RCOR2: variants seen among roughly 807,000 people sequenced by gnomAD.
RCOR2 encodes the protein REST corepressor 2.
RCOR2 carries 19 observed loss-of-function variants against 58.9 expected under a neutral mutation model. That is an observed-to-expected ratio of 0.32 (90% CI 0.23 to 0.47). The LOEUF (loss-of-function observed/expected upper bound fraction) is 0.47. Ranked by LOEUF, RCOR2 falls within the 20% of genes least tolerant of loss-of-function variation. The probability of loss-of-function intolerance (pLI) is 1.00; values close to 1 mark genes in which losing one functional copy is unlikely to be tolerated. For missense variants in RCOR2, 590 were observed against 707.9 expected, an observed-to-expected ratio of 0.83 and a Z score of 1.89; for synonymous variants, 286 against 278.7, an observed-to-expected ratio of 1.03 and a Z score of -0.26.
chr11:63,919,370 G>C (rs1444475255), upstream of RCOR2, among the ~76,000 whole-genome samples: 1 of 151,058 alleles, frequency 6.6e-6, no homozygotes. Flanking sequence ...GGCCCCGGCC[G>C]GCCTGGCCAT....
In RCOR2 at chr11:63,912,874, G is replaced by A. The variant is rs747254445; in HGVS notation, c.965C>T (p.Pro322Leu). Reference sequence around the variant, plus strand: ...TAACTTAAAGAGCAGCCATACCTCCGGGGGGCGTAGTGGATCAATACCGCC... The same window carrying A: ...TAACTTAAAGAGCAGCCATACCTCCAGGGGGCGTAGTGGATCAATACCGCC... Reference protein sequence around the residue: ...LEGGIDPLRPPEANTKFNSRW... With the variant: ...LEGGIDPLRPLEANTKFNSRW... The change falls in exon 9 of 12, where the codon CCG becomes CTG. Residue 322 changes from proline to leucine, a missense_variant. Coordinates refer to ENST00000301459, the MANE Select transcript of RCOR2 (RefSeq NM_173587.4). 42 of 1,613,194 alleles carry A rather than the reference G, an allele frequency of 2.6e-5. No homozygotes were observed. Among genetic ancestry groups the A allele is most frequent in the Non-Finnish European group, 3.4e-5 (40 of 1,179,580 alleles).
At position 63,911,728 on chromosome 11, in the gene RCOR2, C is replaced by G; in HGVS notation, c.*137G>C. On this transcript the variant is annotated 3_prime_UTR_variant, in exon 12 of 12. Transcript: ENST00000301459. Reference sequence around the variant, plus strand: ...CACATGCAGAACCCAAAGGGCGGGGCTGGGCTGTCCGAAACTCTGGTCTTA... The same window carrying G: ...CACATGCAGAACCCAAAGGGCGGGGGTGGGCTGTCCGAAACTCTGGTCTTA... 10 of 1,331,652 alleles carry G rather than the reference C, an allele frequency of 7.5e-6. No homozygotes were observed. The highest frequency in any genetic ancestry group is 9.7e-6 in the Non-Finnish European group (10 of 1,034,410). The allele number at this position is 1,331,652 out of a possible 1,614,324, so 82.5% of individuals were successfully genotyped here.
rs1417115265 is a variant in RCOR2 at position 63,914,013 on chromosome 11, C to T, written c.832G>A (p.Asp278Asn). Residue 278 changes from aspartate to asparagine, a missense_variant, in exon 8 of 12, where the codon GAC (aspartate) becomes AAC (asparagine). Around this residue, in one of 3 missense-constraint regions of RCOR2, gnomAD observed 390 missense variants for 478.7 expected, o/e 0.81. Transcript: ENST00000301459. ...EGLTAVSGSP[D>N]LANLTLRGLD... Reference sequence around the variant, plus strand: ...CCTCGGAGCGTGAGGTTGGCAAGGTCCGGGCTTCCTGACACTGCCGTGAGG... The same window carrying T: ...CCTCGGAGCGTGAGGTTGGCAAGGTTCGGGCTTCCTGACACTGCCGTGAGG... The T allele has an allele frequency of 1.9e-6, 3 of 1,613,708 alleles. No individual in the cohort carries two copies. The highest frequency in any genetic ancestry group is 1.7e-4 in the Middle Eastern group (1 of 6,028).
chr11:63,912,963 A>G lies in RCOR2; in HGVS notation c.892-16T>C. 6.2e-7 allele frequency: 1 copy of G among 1,609,306 alleles called. No individual in the cohort carries two copies. Among genetic ancestry groups the G allele is most frequent in the Non-Finnish European group, 8.5e-7 (1 of 1,177,590 alleles). ...TGCTCTGTACCTGGGAAGGCCAGGA[A>G]GTGGAGGAATATCAGACTCCCATCT... On this transcript the variant is annotated splice_polypyrimidine_tract_variant and intron_variant, in intron 8 of 11. Transcript: ENST00000301459.
At chr11:63,913,805 G>T in intron 8 of RCOR2, 149 bp downstream of exon 8, 1 of 781,742 alleles carries the variant, frequency 1.3e-6, no homozygotes, top group African/African-American at 1.7e-5. Context: ...TTAAGAGAAG[G>T]CCCAAAAAGA....
In RCOR2 at chr11:63,911,910, G is replaced by T. The variant is rs1337144080; in HGVS notation, c.1527C>A (p.Pro509=). ...GCTCCAGAGGGGTTCCAATCAGGGT[G>T]GGTGGGGGCTGAGGGCCAGGGCGGG... The part of the protein sequence containing the change: ...HSARPGPQPP[P]TLIGTPLEPP... Residue 509 remains proline, a synonymous_variant, in exon 12 of 12, where the codon CCC becomes CCA. Coordinates refer to ENST00000301459, the MANE Select transcript of RCOR2 (RefSeq NM_173587.4). The T allele has an allele frequency of 2.3e-6, 3 of 1,320,982 alleles. No homozygotes were observed. The highest frequency in any genetic ancestry group is 3.0e-6 in the Non-Finnish European group (3 of 988,478). 81.8% of individuals were successfully genotyped at this position (1,320,982 alleles called of 1,614,324 possible). A position where few individuals can be genotyped will look rare whatever the true frequency, so the allele number is the denominator to read the frequency against.
upstream of RCOR2, among the ~76,000 whole-genome samples, chr11:63,919,703 C>T (rs1290877138): frequency 2.0e-5 from 3 of 152,214 alleles, no homozygotes; most frequent in South Asian, 4.1e-4. Flanking sequence ...ACCCGGGGCC[C>T]TCACCTACCC....
In RCOR2 at chr11:63,911,628, G is replaced by GAAAGTGCCCTCAGGCCAGCTC. The variant is rs1554990796; in HGVS notation, c.*216_*236dup. ...GCCATTCCAGTACCGGCCAGGAAGC[G>GAAAGTGCCCTCAGGCCAGCTC]AAAGTGCCCTCAGGCCAGCTCAAAG... is the stretch of plus-strand genomic sequence containing the variant. On this transcript the variant is annotated 3_prime_UTR_variant, in exon 12 of 12. Coordinates refer to ENST00000301459, the MANE Select transcript of RCOR2 (RefSeq NM_173587.4). 2.3e-5 allele frequency: 12 copies of GAAAGTGCCCTCAGGCCAGCTC among 518,264 alleles called. No homozygotes were observed. The highest frequency in any genetic ancestry group is 2.2e-4 in the African/African-American group (11 of 49,416). 32.1% of individuals were successfully genotyped at this position (518,264 alleles called of 1,614,324 possible). A position where few individuals can be genotyped will look rare whatever the true frequency, so the allele number is the denominator to read the frequency against.
In RCOR2 at chr11:63,914,555, C is replaced by T. The variant is rs202045484; in HGVS notation, c.481-14G>A. The T allele has an allele frequency of 3.2e-5, 51 of 1,613,352 alleles. No homozygotes were observed. Among genetic ancestry groups the T allele is most frequent in the Admixed American group, 2.0e-4 (12 of 60,012 alleles). On this transcript the variant is annotated splice_polypyrimidine_tract_variant and intron_variant, in intron 5 of 11. Transcript: ENST00000301459. ...CTTGTCAGGCAGCTGGAGGAGGCAACGCCAGAAGCTGGGGACCACTCAAGA... is the reference window on the plus strand; with the variant it reads ...CTTGTCAGGCAGCTGGAGGAGGCAATGCCAGAAGCTGGGGACCACTCAAGA...
Position 63,914,498 on chromosome 11 carries a change from G to A in RCOR2, c.524C>T (p.Ser175Phe). The A allele has an allele frequency of 1.9e-6, 3 of 1,613,824 alleles. No individual in the cohort carries two copies. The highest frequency in any genetic ancestry group is 1.7e-6 in the Non-Finnish European group (2 of 1,180,024). The change falls in exon 6 of 12, where the codon TCT becomes TTT. Residue 175 changes from serine (S) to phenylalanine (F), a missense_variant. Around this residue, in one of 3 missense-constraint regions of RCOR2, gnomAD observed 390 missense variants for 478.7 expected, o/e 0.81. Coordinates refer to ENST00000301459, the MANE Select transcript of RCOR2 (RefSeq NM_173587.4). ...AGTTCGGCTGCGGGTCTTCTTCCAA[G>A]AGTAGTAGTATTTCACCAGGCTGGG... ...LIPSLVKYYYSWKKTRSRTSV... is the reference protein window; with the variant it reads ...LIPSLVKYYYFWKKTRSRTSV...
rs770049731 is a variant in RCOR2 at position 63,914,298 on chromosome 11, C to T, written c.638G>A (p.Ser213Asn). The T allele has an allele frequency of 6.2e-7, 1 of 1,613,566 alleles. No individual in the cohort carries two copies. Among genetic ancestry groups the T allele is most frequent in the Non-Finnish European group, 8.5e-7 (1 of 1,180,008 alleles). Residue 213 changes from serine to asparagine, a missense_variant, in exon 7 of 12, where the codon AGT (serine) becomes AAT (asparagine). This residue lies in a region of RCOR2 where 390 missense variants were observed against 478.7 expected (regional missense o/e 0.81). Transcript: ENST00000301459. The stretch of plus-strand genomic sequence containing the variant: ...ATCTGCAGGATCGGGCTCTCCCTCA[C>T]TCACGCCTCCTCGACCCTCTTCGAG... ...DELEEGRGGV[S>N]EGEPDPADPK...
In RCOR2 at chr11:63,916,705, C is replaced by G; in HGVS notation, c.-249G>C. On this transcript the variant is annotated 5_prime_UTR_variant, in exon 1 of 12. Coordinates refer to ENST00000301459, the MANE Select transcript of RCOR2 (RefSeq NM_173587.4). Reference sequence around the variant, plus strand: ...AGAAGTGGGGGACGCAAGGGATGAGCGCAAGGTCCGGTGCGGCTGGGGCGT... The same window carrying G: ...AGAAGTGGGGGACGCAAGGGATGAGGGCAAGGTCCGGTGCGGCTGGGGCGT... The G allele has an allele frequency of 1.8e-6, 1 of 567,542 alleles. No homozygotes were observed. The allele number at this position is 567,542 out of a possible 1,614,324, so 35.2% of individuals were successfully genotyped here.
In RCOR2 at chr11:63,914,003, T is replaced by C. The variant is rs764014028; in HGVS notation, c.842A>G (p.Asn281Ser). ...TAVSGSPDLA[N>S]LTLRGLDSQL... ...AGAGTCAAGACCTCGGAGCGTGAGG[T>C]TGGCAAGGTCCGGGCTTCCTGACAC... Residue 281 changes from asparagine (N) to serine (S), a missense_variant, in exon 8 of 12, where the codon AAC becomes AGC. This residue lies in a region of RCOR2 where 390 missense variants were observed against 478.7 expected (regional missense o/e 0.81). Transcript: ENST00000301459. The C allele has an allele frequency of 5.1e-5, 82 of 1,613,662 alleles. No individual in the cohort carries two copies. The highest frequency in any genetic ancestry group is 8.0e-5 in the African/African-American group (6 of 74,902).
Position 63,912,333 on chromosome 11 carries a change from G to A in RCOR2, c.1229C>T (p.Pro410Leu). 1 of 1,613,090 alleles carries A rather than the reference G, an allele frequency of 6.2e-7. No homozygotes were observed. The highest frequency in any genetic ancestry group is 8.5e-7 in the Non-Finnish European group (1 of 1,179,456). Residue 410 changes from proline (P) to leucine (L), a missense_variant, in exon 11 of 12, where the codon CCA becomes CTA. By Grantham distance (98) the Pro-to-Leu change is moderately conservative. Transcript: ENST00000301459. Reference sequence around the variant, plus strand: ...ATCATCTTCCTCTAGGGCTGGGGCTGGCAATGGAGCCCCTCTCCTAGCCTC... The same window carrying A: ...ATCATCTTCCTCTAGGGCTGGGGCTAGCAATGGAGCCCCTCTCCTAGCCTC... ...MEEARRGAPL[P>L]APALEEDDEV...
In RCOR2 at chr11:63,917,034, C is replaced by A. The variant is rs1941868887; in HGVS notation, c.-578G>T. 6.8e-6 allele frequency among the ~76,000 whole-genome samples: 1 copy of A among 148,040 alleles called. No homozygotes were observed. On this transcript the variant is annotated 5_prime_UTR_variant, in exon 1 of 12. Coordinates refer to ENST00000301459, the MANE Select transcript of RCOR2 (RefSeq NM_173587.4). ...CGGCGCGCGGCGCTGGGCAGAGTTG[C>A]CGGGAGGCGGGCGGAGCGCAGCCGC...
rs886753107 is a variant in RCOR2, at chr11:63,912,092, G to T, written c.1345C>A (p.Pro449Thr). The part of the protein sequence containing the change: ...PPPPPTSLSQ[P>T]PPLLRPPLPT... ...AAAGGTGGCCTCAGCAGCGGGGGTG[G>T]CTGGGACAGCGAGGTGGGAGGTGGA... Residue 449 changes from proline (P) to threonine (T), a missense_variant, in exon 12 of 12, where the codon CCA becomes ACA. Transcript: ENST00000301459. 1 of 1,504,522 alleles carries T rather than the reference G, an allele frequency of 6.6e-7. No individual in the cohort carries two copies. The highest frequency in any genetic ancestry group is 1.4e-5 in the African/African-American group (1 of 70,518). 93.2% of individuals were successfully genotyped at this position (1,504,522 alleles called of 1,614,324 possible).
Position 63,912,672 on chromosome 11 carries a change from C to G in RCOR2, c.1027+4G>C. The stretch of plus-strand genomic sequence containing the variant: ...TCCTCTCTTCTCACCACAGTTTAAC[C>G]CACCTTGAACAGCCAAAAGCTGCTC... On this transcript the variant is annotated splice_donor_region_variant and intron_variant, in intron 10 of 11. Coordinates refer to ENST00000301459, the MANE Select transcript of RCOR2 (RefSeq NM_173587.4). 1 of 1,614,022 alleles carries G rather than the reference C, an allele frequency of 6.2e-7. No individual in the cohort carries two copies.
At position 63,912,457 on chromosome 11, in the gene RCOR2, A is replaced by C; in HGVS notation, c.1105T>G (p.Phe369Val). 1.2e-6 allele frequency: 2 copies of C among 1,613,950 alleles called. No homozygotes were observed. The highest frequency in any genetic ancestry group is 8.5e-7 in the Non-Finnish European group (1 of 1,179,978). Residue 369 changes from phenylalanine to valine, a missense_variant, in exon 11 of 12, where the codon TTC becomes GTC. By Grantham distance (50) the Phe-to-Val change is conservative. Around this residue, in one of 3 missense-constraint regions of RCOR2, gnomAD observed 196 missense variants for 210.7 expected, o/e 0.93. Transcript: ENST00000301459. ...AAGCGGCGCCGGTAGCTCACAAAGA[A>C]AGTCTTCACCTGGGTCAGAGTCTTG... Reference protein sequence around the residue: ...GNKTLTQVKTFFVSYRRRFNL... With the variant: ...GNKTLTQVKTVFVSYRRRFNL...
At chr11:63,916,214 C>T (rs1590736796) in intron 1 of RCOR2, 116 bp downstream of exon 1, 2 of 952,232 alleles carry the variant, frequency 2.1e-6, no homozygotes, top group Non-Finnish European at 3.1e-6. Flanking sequence ...GGCTCCAATC[C>T]AGGAGAGGCA....
Sources: gnomAD v4.1 joint callset for allele counts (sites outside exome capture counted in the v4.1 genomes callset) on GRCh38, gnomAD v4.1.1 for gene constraint, gnomAD v4.1.1 regional missense constraint, MANE v1.5 for transcripts, NCBI Gene and HGNC (gene_info 2026-07-23, HGNC 2026-07-21) for gene names.